The following SAMD5 variants were observed in gnomAD, a reference collection of about 807,000 sequenced individuals.
The protein encoded by SAMD5 is sterile alpha motif domain-containing protein 5.
In SAMD5, 13 loss-of-function variants were observed where a neutral mutation model predicts 11.3. The ratio of observed to expected loss-of-function variants is 1.15; its 90% CI spans 0.75 to 1.83. The LOEUF (loss-of-function observed/expected upper bound fraction) is 1.83. SAMD5 is among the 40% of genes most tolerant of loss of function. SAMD5 has a pLI of 0.00. For synonymous variants in SAMD5, 129 were observed against 111.3 expected (o/e 1.16, Z -1.00); for missense variants, 255 against 239.1 (o/e 1.07, Z -0.44).
chr6:147,523,568 AC>A (rs1486873331), intron 1 of SAMD5, among the ~76,000 whole-genome samples: 5 of 152,132 alleles, frequency 3.3e-5, no homozygotes, highest in Non-Finnish European at 7.4e-5. Context: ...ATTAAGATGC[AC>A]TCCTCTGGGA....
At chr6:147,626,164 T>G (rs570709453) in intron 1 of SAMD5, among the ~76,000 whole-genome samples, 4 of 152,112 alleles carry the variant, frequency 2.6e-5, no homozygotes, top group Non-Finnish European at 4.4e-5. Flanking sequence ...CTTGTTGACA[T>G]GAGAAAATGG....
chr6:147,865,310 ATAAGTGTGTG>A, the SAMD5 span, among the ~76,000 whole-genome samples: 2 of 124,768 alleles, frequency 1.6e-5, no homozygotes, highest in Non-Finnish European at 3.4e-5. Context: ...ATGTAGGTAT[ATAAGTGTGTG>A]TGTGTGTGTG....
At chr6:147,888,035 T>A in the SAMD5 span, among the ~76,000 whole-genome samples, 1 of 152,208 alleles carries the variant, frequency 6.6e-6, no homozygotes, top group African/African-American at 2.4e-5. Flanking sequence ...GAGAGTTTTT[T>A]ATATAGTCCA....
At chr6:147,635,930 TG>T (rs1790225299) in intron 1 of SAMD5, among the ~76,000 whole-genome samples, 1 of 152,224 alleles carries the variant, frequency 6.6e-6, no homozygotes, top group South Asian at 2.1e-4. Context: ...GCTGCTGGGT[TG>T]GGGTGGTTGT....
At chr6:147,927,455 CT>C in the SAMD5 span, among the ~76,000 whole-genome samples, 2 of 152,088 alleles carry the variant, frequency 1.3e-5, no homozygotes, top group African/African-American at 2.4e-5. Context: ...CCTGATTTGG[CT>C]CTTGGCTTGG....
chr6:147,512,446 G>A (rs1403442934), intron 1 of SAMD5, among the ~76,000 whole-genome samples: 1 of 152,220 alleles, frequency 6.6e-6, no homozygotes, highest in African/African-American at 2.4e-5. Flanking sequence ...AGGAAAGTAA[G>A]TTGAGGGGTC....
At chr6:147,901,040 G>A in the SAMD5 span, among the ~76,000 whole-genome samples, 2 of 152,110 alleles carry the variant, frequency 1.3e-5, no homozygotes, top group African/African-American at 2.4e-5. Context: ...AGAGTGTGAT[G>A]GTCAGGGTTC....
chr6:147,568,567 G>C lies in SAMD5; in HGVS notation c.*4111G>C. 1.0e-6 allele frequency: 1 copy of C among 985,370 alleles called. No homozygotes were observed. The highest frequency in any genetic ancestry group is 1.2e-6 in the Non-Finnish European group (1 of 829,914). 61.0% of individuals were successfully genotyped at this position (985,370 alleles called of 1,614,324 possible). A position where few individuals can be genotyped will look rare whatever the true frequency, so the allele number is the denominator to read the frequency against. ...CCTACATTGCCAATTCTCAGACCAA[G>C]TACAAAGTATTAGGAATTTTTTATA... On this transcript the variant is annotated 3_prime_UTR_variant, in exon 2 of 2. Transcript: ENST00000367474.
intron 1 of SAMD5, among the ~76,000 whole-genome samples, chr6:147,680,217 C>G (rs1292374603): frequency 1.3e-5 from 2 of 152,066 alleles, no homozygotes; most frequent in African/African-American, 4.8e-5. Flanking sequence ...TTTCTCAGCT[C>G]TACCTTGTAG....
the SAMD5 span, among the ~76,000 whole-genome samples, chr6:147,799,115 T>A: frequency 6.6e-6 from 1 of 152,114 alleles, no homozygotes; most frequent in African/African-American, 2.4e-5. Context: ...GTCATTATGA[T>A]GTTAGCTGGT....
intron 1 of SAMD5, among the ~76,000 whole-genome samples, chr6:147,601,520 TAG>T (rs1438654161): frequency 6.6e-6 from 1 of 152,150 alleles, no homozygotes; most frequent in African/African-American, 2.4e-5. Flanking sequence ...AATATTGTTT[TAG>T]AGAGTAGGAA....
chr6:147,814,426 C>G, the SAMD5 span, among the ~76,000 whole-genome samples: 1 of 151,916 alleles, frequency 6.6e-6, no homozygotes, highest in Non-Finnish European at 1.5e-5. Context: ...TTTTTTTAGG[C>G]AAAAAATATG....
intron 1 of SAMD5, among the ~76,000 whole-genome samples, chr6:147,579,884 T>C (rs1307572513): frequency 6.6e-6 from 1 of 152,234 alleles, no homozygotes; most frequent in Non-Finnish European, 1.5e-5. Flanking sequence ...ATGTGTGGAA[T>C]CCTTACTCTG....
intron 1 of SAMD5, among the ~76,000 whole-genome samples, chr6:147,555,505 T>A (rs567903941): frequency 6.6e-6 from 1 of 152,354 alleles, no homozygotes; most frequent in South Asian, 2.1e-4. Context: ...GTGAGTTTGA[T>A]AGTTTCATAC....
At chr6:147,730,065 ACT>A (rs1210009744) in intron 1 of SAMD5, 36 of 386,334 alleles carry the variant, frequency 9.3e-5, no homozygotes, top group African/African-American at 8.8e-4. Context: ...AGCCTGGGTG[ACT>A]CTGTCTCAAA....
intron 1 of SAMD5, among the ~76,000 whole-genome samples, chr6:147,547,902 C>G (rs1788711067): frequency 1.3e-5 from 2 of 152,228 alleles, no homozygotes; most frequent in Admixed American, 6.5e-5. Flanking sequence ...CTTTCTTCAA[C>G]AAGAATTAGA....
chr6:147,818,989 C>T, the SAMD5 span, among the ~76,000 whole-genome samples: 4 of 152,108 alleles, frequency 2.6e-5, no homozygotes, highest in African/African-American at 9.7e-5. Flanking sequence ...ATATACCCCC[C>T]AAAATATAAA....
chr6:147,858,918 T>C, the SAMD5 span, among the ~76,000 whole-genome samples: 1 of 152,138 alleles, frequency 6.6e-6, no homozygotes, highest in African/African-American at 2.4e-5. Flanking sequence ...CTCTTGGGAT[T>C]TGCATTCTGG....
At chr6:147,620,536 C>T (rs1789943669) in intron 1 of SAMD5, among the ~76,000 whole-genome samples, 1 of 152,156 alleles carries the variant, frequency 6.6e-6, no homozygotes. Context: ...ACAGGTATAC[C>T]TAATTCTGCT....
Sources: gnomAD v4.1 joint callset for allele counts (sites outside exome capture counted in the v4.1 genomes callset) on GRCh38, gnomAD v4.1.1 for gene constraint, MANE v1.5 for transcripts, NCBI Gene and HGNC (gene_info 2026-07-23, HGNC 2026-07-21) for gene names.